Variants in FIG4 observed in about 807,000 individuals in gnomAD.
The protein encoded by FIG4 is FIG4 phosphoinositide 5-phosphatase, also known as polyphosphoinositide phosphatase.
Under a neutral mutation model 118.6 loss-of-function variants are expected in FIG4, and 112 were observed. That is an observed-to-expected ratio of 0.94 (90% CI 0.81 to 1.11). FIG4 has a LOEUF of 1.11. Among genes scored for constraint, FIG4 ranks in the 50% least tolerant of loss-of-function variants. The probability of loss-of-function intolerance (pLI) is 0.00; values close to 1 mark genes in which losing one functional copy is unlikely to be tolerated. For synonymous variants in FIG4, 369 were observed against 381.2 expected, an observed-to-expected ratio of 0.97 and a Z score of 0.37; for missense variants, 969 against 1,111.7, an observed-to-expected ratio of 0.87 and a Z score of 1.83.
In FIG4 at chr6:109,727,248, T is replaced by C. The variant is rs536626725; in HGVS notation, c.429T>C (p.Thr143=). ...IYIPNDSVRV[T]HPDEARYLRI... The stretch of plus-strand genomic sequence containing the variant: ...TACCCAATGATTCTGTACGGGTTAC[T>C]CATCCTGATGAAGCTAGGTATGTAT... Residue 143 remains threonine (T), a synonymous_variant, in exon 4 of 23, where the codon ACT becomes ACC. Coordinates refer to ENST00000230124, the MANE Select transcript of FIG4 (RefSeq NM_014845.6). 2 of 1,612,484 alleles carry C rather than the reference T, an allele frequency of 1.2e-6. No homozygotes were observed. Among genetic ancestry groups the C allele is most frequent in the African/African-American group, 2.7e-5 (2 of 74,792 alleles).
chr6:109,717,966 A>G lies in FIG4; in HGVS notation c.289+1398A>G, dbSNP rs114870698. Among the ~76,000 whole-genome samples, 1,279 of 152,328 alleles carry G rather than the reference A, an allele frequency of 8.4e-3. 25 individuals are homozygous for G. The highest frequency in any genetic ancestry group is 0.028 in the African/African-American group (1,165 of 41,568). The stretch of plus-strand genomic sequence containing the variant: ...TGTATTGGTTCGTTCTCGCATTGCT[A>G]TAAAGAAATACCTGAGACTGGGTAA... On this transcript the variant is annotated intron_variant, in intron 3 of 22. Transcript: ENST00000230124.
At chr6:109,767,615 A>G (rs976485904) in intron 15 of FIG4, among the ~76,000 whole-genome samples, 1 of 152,220 alleles carries the variant, frequency 6.6e-6, no homozygotes, top group Non-Finnish European at 1.5e-5. Flanking sequence ...TCATGCCTGT[A>G]ATCCCAGCAC....
chr6:109,773,678 T>G (rs1253865008), intron 15 of FIG4, among the ~76,000 whole-genome samples: 1 of 152,112 alleles, frequency 6.6e-6, no homozygotes, highest in East Asian at 1.9e-4. Flanking sequence ...CTATTCTTGT[T>G]GTTTGTTTGT....
intron 10 of FIG4, among the ~76,000 whole-genome samples, chr6:109,755,633 C>T (rs980194474): frequency 6.6e-6 from 1 of 152,138 alleles, no homozygotes; most frequent in East Asian, 1.9e-4. Flanking sequence ...GTATTGGGTG[C>T]ATATATATTT....
At chr6:109,783,359 G>T in intron 16 of FIG4, among the ~76,000 whole-genome samples, 1 of 152,296 alleles carries the variant, frequency 6.6e-6, no homozygotes, top group East Asian at 1.9e-4. Flanking sequence ...TCAGCTCCAT[G>T]TTTCACTGTT....
chr6:109,770,845 C>A (rs2128393504), intron 15 of FIG4, among the ~76,000 whole-genome samples: 1 of 152,256 alleles, frequency 6.6e-6, no homozygotes, highest in East Asian at 1.9e-4. Flanking sequence ...AGACAAATAT[C>A]CAAACGATAT....
chr6:109,754,971 T>A (rs920963378), intron 10 of FIG4, among the ~76,000 whole-genome samples: 22 of 152,202 alleles, frequency 1.4e-4, no homozygotes, highest in Non-Finnish European at 3.1e-4. Context: ...TTTCTTGCCT[T>A]CTTCTAGCTT....
chr6:109,770,111 A>G (rs1268002187), intron 15 of FIG4, among the ~76,000 whole-genome samples: 1 of 152,218 alleles, frequency 6.6e-6, no homozygotes, highest in South Asian at 2.1e-4. Flanking sequence ...TTAGTTTTTA[A>G]TATAACTAGT....
intron 9 of FIG4, 191 bp from the exon 10 acceptor site, chr6:109,743,484 A>G: frequency 1.5e-6 from 1 of 660,332 alleles, no homozygotes; most frequent in South Asian, 1.8e-5. Context: ...TGCTTCAGAA[A>G]TGTAAGAATC....
chr6:109,732,053 GA>G (rs1554300704), intron 4 of FIG4, among the ~76,000 whole-genome samples: 2 of 152,192 alleles, frequency 1.3e-5, no homozygotes, highest in Non-Finnish European at 2.9e-5. Context: ...TCAGTGACAG[GA>G]AAATGGTTGC....
intron 1 of FIG4, among the ~76,000 whole-genome samples, chr6:109,702,322 T>C (rs1583626680): frequency 1.3e-5 from 2 of 152,354 alleles, no homozygotes; most frequent in African/African-American, 4.8e-5. Context: ...ATATATATTT[T>C]AGAAATACTC....
At chr6:109,804,180 T>C (rs895976525) in intron 22 of FIG4, among the ~76,000 whole-genome samples, 1 of 152,178 alleles carries the variant, frequency 6.6e-6, no homozygotes, top group South Asian at 2.1e-4. Flanking sequence ...TGTGGTCATA[T>C]GAGGGGTATT....
At chr6:109,770,596 C>T (rs1010448138) in intron 15 of FIG4, among the ~76,000 whole-genome samples, 2 of 152,002 alleles carry the variant, frequency 1.3e-5, no homozygotes, top group Admixed American at 1.3e-4. Context: ...GTACAGGAAA[C>T]ATCGTGCCAT....
At chr6:109,711,435 CT>C (rs1775258331) in intron 1 of FIG4, among the ~76,000 whole-genome samples, 1 of 152,068 alleles carries the variant, frequency 6.6e-6, no homozygotes, top group African/African-American at 2.4e-5. Context: ...CTTTATTAAT[CT>C]GAGTGTTCCT....
chr6:109,743,667 C>T lies in FIG4; in HGVS notation c.1040-8C>T, dbSNP rs898252169. On this transcript the variant is annotated splice_polypyrimidine_tract_variant and splice_region_variant and intron_variant, in intron 9 of 22. Transcript: ENST00000230124. Reference sequence around the variant, plus strand: ...TTCAGGTGCTTTTTCATCTTTTTTCCTTCTCAGTGGATCAGGCAGATCCAT... The same window carrying T: ...TTCAGGTGCTTTTTCATCTTTTTTCTTTCTCAGTGGATCAGGCAGATCCAT... 2 of 1,606,428 alleles carry T rather than the reference C, an allele frequency of 1.2e-6. No individual in the cohort carries two copies. The highest frequency in any genetic ancestry group is 8.5e-7 in the Non-Finnish European group (1 of 1,174,310).
At chr6:109,735,416 G>T (rs528361440) in intron 6 of FIG4, 118 bp downstream of exon 6, 1 of 971,200 alleles carries the variant, frequency 1.0e-6, no homozygotes, top group Non-Finnish European at 1.6e-6. Flanking sequence ...TTGTCCTTAC[G>T]TGGGGTTGTT....
At chr6:109,790,824 C>T (rs1192147633) in intron 19 of FIG4, among the ~76,000 whole-genome samples, 1 of 152,094 alleles carries the variant, frequency 6.6e-6, no homozygotes, top group Non-Finnish European at 1.5e-5. Context: ...CCCTTCTATT[C>T]CCTACTATTA....
At chr6:109,739,703 C>G (rs964943640) in intron 7 of FIG4, among the ~76,000 whole-genome samples, 1 of 152,072 alleles carries the variant, frequency 6.6e-6, no homozygotes, top group Non-Finnish European at 1.5e-5. Context: ...CCCTGGCCCC[C>G]CTTGGTACTT....
intron 10 of FIG4, among the ~76,000 whole-genome samples, chr6:109,748,918 G>A (rs1333876684): frequency 1.3e-5 from 2 of 152,052 alleles, no homozygotes; most frequent in Admixed American, 1.3e-4. Context: ...GGAATTATGG[G>A]CGCTACAATT....
Sources: gnomAD v4.1 joint callset for allele counts (sites outside exome capture counted in the v4.1 genomes callset) on GRCh38, gnomAD v4.1.1 for gene constraint, MANE v1.5 for transcripts, NCBI Gene and HGNC (gene_info 2026-07-23, HGNC 2026-07-21) for gene names.